TUBGCP5: variants seen among roughly 807,000 people sequenced by gnomAD.
The protein encoded by TUBGCP5 is tubulin gamma complex component 5.
In TUBGCP5, 98 loss-of-function variants were observed where a neutral mutation model predicts 134.7. The observed-to-expected ratio is 0.73, with a 90% CI of 0.62 to 0.86. The LOEUF (loss-of-function observed/expected upper bound fraction) is 0.86, where lower values mean the gene tolerates loss of function less well. TUBGCP5 is among the 40% of genes least tolerant of loss of function. TUBGCP5 has a pLI of 0.00. For missense variants in TUBGCP5, 1,150 were observed against 1,244.8 expected (o/e 0.92, Z 1.15); for synonymous variants, 456 against 431.4 (o/e 1.06, Z -0.71).
At chr15:23,029,422 T>C (rs12902726) in intron 6 of TUBGCP5, among the ~76,000 whole-genome samples, 2 of 151,552 alleles carry the variant, frequency 1.3e-5, no homozygotes, top group Non-Finnish European at 2.9e-5. Flanking sequence ...GGTTTCACCA[T>C]GTTGGTCAGG....
chr15:23,035,226 G>A (rs10152262), intron 3 of TUBGCP5, among the ~76,000 whole-genome samples: 6,821 of 151,854 alleles, frequency 0.045, 390 homozygotes, highest in African/African-American at 0.14. Flanking sequence ...CTACTCGGGA[G>A]GCTGAGGCAG....
rs1312384144 is a variant in TUBGCP5, at chr15:23,031,208, TTTC to T, written c.487-191_487-189del. On this transcript the variant is annotated intron_variant, in intron 5 of 22. Transcript: ENST00000615383. Reference sequence around the variant, plus strand: ...AGGAATGGAAATATGATTACTACTTTTTCTTTTTTTCTATAATGTTGAAATAAT... The same window carrying T: ...AGGAATGGAAATATGATTACTACTTTTTTTTTTCTATAATGTTGAAATAAT... 2.0e-5 allele frequency among the ~76,000 whole-genome samples: 3 copies of T among 152,320 alleles called. No homozygotes were observed. The East Asian group carries it at 5.8e-4, about 29-fold the overall frequency.
downstream of TUBGCP5, among the ~76,000 whole-genome samples, chr15:22,995,668 C>G (rs1212255447): frequency 6.6e-6 from 1 of 152,052 alleles, no homozygotes; most frequent in Non-Finnish European, 1.5e-5. Context: ...CCCAGTTGCT[C>G]CACACCCAGC....
At chr15:23,023,536 A>G (rs2065828447) in intron 10 of TUBGCP5, 1 of 162,498 alleles carries the variant, frequency 6.2e-6, no homozygotes, top group African/African-American at 2.4e-5. Flanking sequence ...AGCTCTTCAT[A>G]TATGTATGGT....
downstream of TUBGCP5, among the ~76,000 whole-genome samples, chr15:22,994,438 CTTTTCCA>C (rs1292783868): frequency 2.0e-5 from 3 of 152,160 alleles, no homozygotes; most frequent in East Asian, 5.8e-4. Context: ...ACGGCCTTAG[CTTTTCCA>C]CACACATGAG....
chr15:23,004,089 A>G lies in TUBGCP5; in HGVS notation c.2838+13T>C. ...CCAGCAGTGGCCACATCTGCAGGAG[A>G]CATCTCATGTACCTTTTCTCTCAGC... is the stretch of plus-strand genomic sequence containing the variant. On this transcript the variant is annotated intron_variant, in intron 20 of 22. Coordinates refer to ENST00000615383, the MANE Select transcript of TUBGCP5 (RefSeq NM_052903.6). The G allele has an allele frequency of 1.2e-6, 2 of 1,601,368 alleles. No homozygotes were observed. The highest frequency in any genetic ancestry group is 1.7e-6 in the Non-Finnish European group (2 of 1,176,136).
chr15:23,038,364 A>G lies in TUBGCP5; in HGVS notation c.146+1034T>C, dbSNP rs545241300. ...CTCCAACGTCTCTCCCAGCTCTAAA[A>G]TGATGACAATCTGCCTACTGTCATT... On this transcript the variant is annotated intron_variant, in intron 1 of 22. Coordinates refer to ENST00000615383, the MANE Select transcript of TUBGCP5 (RefSeq NM_052903.6). Among the ~76,000 whole-genome samples the G allele has an allele frequency of 4.6e-5, 7 of 152,344 alleles. No individual in the cohort carries two copies. In the South Asian group the frequency reaches 1.2e-3, roughly 27 times the overall value.
At chr15:23,029,635 G>A (rs912428149) in intron 6 of TUBGCP5, among the ~76,000 whole-genome samples, 17 of 151,968 alleles carry the variant, frequency 1.1e-4, no homozygotes, top group Admixed American at 6.6e-4. Context: ...TGTAATCCCC[G>A]CACGTTGGGA....
Position 23,006,483 on chromosome 15 carries a change from C to T in TUBGCP5, c.2328-131G>A. On this transcript the variant is annotated intron_variant, in intron 16 of 22. Coordinates refer to ENST00000615383, the MANE Select transcript of TUBGCP5 (RefSeq NM_052903.6). ...CTGCATTTCATAAAAGAAATGCAAA[C>T]ATTCCAACAAATGTATCTCTTCTAA... is the stretch of plus-strand genomic sequence containing the variant. 5.9e-6 allele frequency: 4 copies of T among 683,004 alleles called. No homozygotes were observed. The South Asian group carries it at 7.4e-5, about 13-fold the overall frequency. The allele number at this position is 683,004 out of a possible 1,614,324, so 42.3% of individuals were successfully genotyped here. A position where few individuals can be genotyped will look rare whatever the true frequency, so the allele number is the denominator to read the frequency against.
chr15:23,037,038 TAAA>T (rs1567174571), intron 2 of TUBGCP5, 33 bp from the exon 3 acceptor site: 1 of 1,595,000 alleles, frequency 6.3e-7, no homozygotes, highest in Admixed American at 1.7e-5. Flanking sequence ...AAAGCTATCT[TAAA>T]AAGATCTATA....
chr15:22,985,274 A>G (rs1277617864), intron 23 of TUBGCP5, among the ~76,000 whole-genome samples: 2 of 152,066 alleles, frequency 1.3e-5, no homozygotes, highest in East Asian at 1.9e-4. Context: ...GCTGGAGTAC[A>G]ATGGCGTGAT....
chr15:22,994,278 C>T (rs190005570), downstream of TUBGCP5, among the ~76,000 whole-genome samples: 372 of 151,474 alleles, frequency 2.5e-3, 1 homozygote, highest in Non-Finnish European at 4.3e-3. Context: ...TTAGTAGAGA[C>T]GGGGTTTCAC....
intron 12 of TUBGCP5, 128 bp from the exon 13 acceptor site, chr15:23,018,169 G>T: frequency 1.2e-6 from 1 of 859,696 alleles, no homozygotes; most frequent in African/African-American, 1.7e-5. Context: ...CAAACTTTAG[G>T]CAAAATGGGA....
rs769647245 is a variant in TUBGCP5 at position 22,993,613 on chromosome 15, C to T, written c.*61+3232G>A. The stretch of plus-strand genomic sequence containing the variant: ...AGGCTGGAGTGTAATGGTGCGATCT[C>T]GGCTCACTGCAACCTCCGCCTCCTG... On this transcript the variant is annotated intron_variant and NMD_transcript_variant, in intron 23 of 23. Transcript: ENST00000614508. Among the ~76,000 whole-genome samples the T allele has an allele frequency of 6.3e-5, 9 of 142,712 alleles. No homozygotes were observed. The East Asian group carries it at 6.5e-4, about 10-fold the overall frequency. 93.6% of individuals were successfully genotyped at this position (142,712 alleles called of 152,430 possible).
At chr15:23,029,368 T>C (rs1393610921) in intron 6 of TUBGCP5, among the ~76,000 whole-genome samples, 1 of 152,150 alleles carries the variant, frequency 6.6e-6, no homozygotes, top group Non-Finnish European at 1.5e-5. Flanking sequence ...ATTACAGGCA[T>C]GCGCCACTAT....
downstream of TUBGCP5, among the ~76,000 whole-genome samples, chr15:22,996,508 CAG>C (rs2140373524): frequency 6.6e-6 from 1 of 152,222 alleles, no homozygotes; most frequent in South Asian, 2.1e-4. Flanking sequence ...ATTTTTGAAT[CAG>C]AGTCTTGCTC....
Position 23,039,513 on chromosome 15 carries a change from A to G in TUBGCP5, c.31T>C (p.Leu11=). 3 of 1,501,888 alleles carry G rather than the reference A, an allele frequency of 2.0e-6. No individual in the cohort carries two copies. The highest frequency in any genetic ancestry group is 1.8e-6 in the Non-Finnish European group (2 of 1,116,970). The allele number at this position is 1,501,888 out of a possible 1,614,324, so 93.0% of individuals were successfully genotyped here. Residue 11 remains leucine, a synonymous_variant, in exon 1 of 23, where the codon TTG becomes CTG. Coordinates refer to ENST00000615383, the MANE Select transcript of TUBGCP5 (RefSeq NM_052903.6). MARHGPPWSR[L]DAQQERDVRE... The stretch of plus-strand genomic sequence containing the variant: ...ACGTCGCGCTCCTGCTGCGCGTCCA[A>G]CCGACTCCACGGTGGCCCGTGCCGC...
intron 22 of TUBGCP5, chr15:23,000,239 A>C: frequency 9.1e-6 from 11 of 1,213,056 alleles, no homozygotes; most frequent in Non-Finnish European, 1.1e-5. Flanking sequence ...AATTTTTAAA[A>C]AGACTAGATT....
At chr15:23,006,005 C>A (rs1216743208) in intron 18 of TUBGCP5, 47 bp downstream of exon 18, 3 of 1,545,358 alleles carry the variant, frequency 1.9e-6, no homozygotes, top group East Asian at 4.6e-5. Context: ...TTATTAAGGG[C>A]TAAAATTAAA....
Sources: allele counts gnomAD v4.1 joint callset (sites outside exome capture counted in the v4.1 genomes callset), GRCh38; gene constraint gnomAD v4.1.1; transcripts MANE v1.5; gene names NCBI Gene and HGNC (gene_info 2026-07-23, HGNC 2026-07-21).